S100Z: variants seen among roughly 807,000 people sequenced by gnomAD.
S100Z encodes the protein protein S100-Z.
S100Z carries 11 observed loss-of-function variants against 8.5 expected under a neutral mutation model. That is an observed-to-expected ratio of 1.30 (90% confidence interval 0.82 to 2.15). The LOEUF (loss-of-function observed/expected upper bound fraction) is 2.15, where lower values mean the gene tolerates loss of function less well. S100Z is among the 30% of genes most tolerant of loss of function. The pLI, the probability that S100Z is intolerant of heterozygous loss-of-function variation, is 0.00. For synonymous variants in S100Z, 34 were observed against 43.8 expected (o/e 0.78, Z 0.89); for missense variants, 126 against 117.9 (o/e 1.07, Z -0.32).
the S100Z span, among the ~76,000 whole-genome samples, chr5:76,927,099 A>C: frequency 6.6e-6 from 1 of 152,224 alleles, no homozygotes; most frequent in South Asian, 2.1e-4. Flanking sequence ...AACATAAGAC[A>C]TCAAAACTCA....
chr5:76,912,319 T>C (rs1048878525), intron 4 of S100Z, among the ~76,000 whole-genome samples: 4 of 152,176 alleles, frequency 2.6e-5, no homozygotes, highest in South Asian at 2.1e-4. Context: ...TCGAGGATGA[T>C]CACCAACAAA....
At chr5:76,947,530 A>T in the S100Z span, among the ~76,000 whole-genome samples, 47 of 152,358 alleles carry the variant, frequency 3.1e-4, no homozygotes, top group Non-Finnish European at 1.2e-4. Context: ...TAAAATTCGT[A>T]TGAAACCTAA....
chr5:76,894,912 A>G (rs1371114891), intron 4 of S100Z, among the ~76,000 whole-genome samples: 1 of 152,078 alleles, frequency 6.6e-6, no homozygotes, highest in African/African-American at 2.4e-5. Context: ...TATATTTTAA[A>G]TTTTGATGTT....
intron 4 of S100Z, among the ~76,000 whole-genome samples, chr5:76,913,737 AG>A (rs1744751397): frequency 6.6e-6 from 1 of 152,232 alleles, no homozygotes; most frequent in South Asian, 2.1e-4. Flanking sequence ...CCAAAACCGC[AG>A]AGGCGTAGAC....
At chr5:76,855,021 G>C (rs1163669288) in intron 1 of S100Z, among the ~76,000 whole-genome samples, 4 of 152,236 alleles carry the variant, frequency 2.6e-5, no homozygotes, top group Admixed American at 1.3e-4. Flanking sequence ...TGTAAGCCTT[G>C]GTGGTTTCCA....
intron 4 of S100Z, among the ~76,000 whole-genome samples, chr5:76,913,274 G>A (rs1315245320): frequency 2.0e-5 from 3 of 152,198 alleles, no homozygotes; most frequent in African/African-American, 4.8e-5. Context: ...ACAAAGGTCC[G>A]ATCAGACCAA....
intron 4 of S100Z, among the ~76,000 whole-genome samples, chr5:76,919,698 C>G (rs1221659267): frequency 2.6e-5 from 4 of 151,140 alleles, no homozygotes; most frequent in African/African-American, 9.7e-5. Flanking sequence ...CCTCAAATTC[C>G]TGGGTTCAAG....
chr5:76,941,843 T>C, the S100Z span, among the ~76,000 whole-genome samples: 1 of 152,236 alleles, frequency 6.6e-6, no homozygotes, highest in Non-Finnish European at 1.5e-5. Context: ...TTGGGATTCT[T>C]CTGGGCAGGA....
downstream of S100Z, among the ~76,000 whole-genome samples, chr5:76,922,925 C>T (rs530471484): frequency 2.9e-4 from 44 of 151,636 alleles, no homozygotes; most frequent in South Asian, 4.6e-3. Flanking sequence ...TGCCTTTTTT[C>T]CCAATAATCT....
intron 1 of S100Z, among the ~76,000 whole-genome samples, chr5:76,867,352 G>C (rs773181986): frequency 6.6e-6 from 1 of 152,148 alleles, no homozygotes; most frequent in Non-Finnish European, 1.5e-5. Context: ...AAGCAACTTA[G>C]CCTCCTGTAT....
intron 1 of S100Z, among the ~76,000 whole-genome samples, chr5:76,866,532 T>C (rs1742739791): frequency 6.6e-6 from 1 of 152,226 alleles, no homozygotes; most frequent in Admixed American, 6.5e-5. Context: ...CTTCCAGTCC[T>C]GCAGCCTCCA....
At chr5:76,932,768 A>ATT in the S100Z span, among the ~76,000 whole-genome samples, 1 of 152,030 alleles carries the variant, frequency 6.6e-6, no homozygotes, top group Non-Finnish European at 1.5e-5. Context: ...AAATTCATTT[A>ATT]TTTTTTCATC....
chr5:76,949,456 A>C, the S100Z span, among the ~76,000 whole-genome samples: 1 of 152,212 alleles, frequency 6.6e-6, no homozygotes. Flanking sequence ...CAGCAAGCCC[A>C]CTTCTGCGTA....
intron 4 of S100Z, among the ~76,000 whole-genome samples, chr5:76,909,272 C>T (rs555234351): frequency 6.6e-6 from 1 of 152,224 alleles, no homozygotes; most frequent in African/African-American, 2.4e-5. Flanking sequence ...TGAAATGCAT[C>T]CTAAGCCAAT....
intron 4 of S100Z, among the ~76,000 whole-genome samples, chr5:76,882,292 T>C (rs957775672): frequency 6.6e-6 from 1 of 152,048 alleles, no homozygotes. Flanking sequence ...AACAGTAAGG[T>C]CAAGTTGTTT....
rs114464687 is a variant in S100Z, at chr5:76,914,205, G to A, written c.*3-6512G>A. ...TTATCCAGCAGGAAGTAGCTAAAGC[G>A]GTCATCGGCCAAATTCCCAACAGCA... On this transcript the variant is annotated intron_variant, in intron 4 of 4. Coordinates refer to ENST00000317593, the MANE Select transcript of S100Z (RefSeq NM_130772.4). 4.7e-3 allele frequency among the ~76,000 whole-genome samples: 710 copies of A among 152,198 alleles called. 7 individuals are homozygous for A. Among genetic ancestry groups the A allele is most frequent in the African/African-American group, 0.016 (654 of 41,492 alleles).
chr5:76,945,500 TC>T, the S100Z span, among the ~76,000 whole-genome samples: 1 of 152,200 alleles, frequency 6.6e-6, no homozygotes, highest in Admixed American at 6.5e-5. Context: ...GTACATTTGT[TC>T]TATTCTGAGA....
chr5:76,864,104 T>A (rs1447928803), intron 1 of S100Z, among the ~76,000 whole-genome samples: 1 of 152,156 alleles, frequency 6.6e-6, no homozygotes, highest in Non-Finnish European at 1.5e-5. Context: ...AAACAATGAA[T>A]AAAACTACAG....
the S100Z span, among the ~76,000 whole-genome samples, chr5:76,948,625 G>A: frequency 1.3e-5 from 2 of 152,010 alleles, no homozygotes; most frequent in East Asian, 1.9e-4. Flanking sequence ...AATCCACGAC[G>A]AGACATCACC....
Sources: allele counts gnomAD v4.1 joint callset (sites outside exome capture counted in the v4.1 genomes callset), GRCh38; gene constraint gnomAD v4.1.1; transcripts MANE v1.5; gene names NCBI Gene and HGNC (gene_info 2026-07-23, HGNC 2026-07-21).